Variants in EEPD1 observed in about 807,000 individuals in gnomAD.
EEPD1 encodes endonuclease/exonuclease/phosphatase family domain-containing protein 1.
EEPD1 carries 17 observed loss-of-function variants against 46.3 expected under a neutral mutation model. That is an observed-to-expected ratio of 0.37 (90% CI 0.25 to 0.55). The LOEUF (loss-of-function observed/expected upper bound fraction) is 0.55. Ranked by LOEUF, EEPD1 falls within the 20% of genes least tolerant of loss-of-function variation. The pLI is 0.83. For missense variants in EEPD1, 673 were observed against 745.6 expected (o/e 0.90, Z 1.13); for synonymous variants, 313 against 315.6 (o/e 0.99, Z 0.09).
At position 36,193,485 on chromosome 7, in the gene EEPD1, AAGGCAG is replaced by A. The variant is rs1785519702; in HGVS notation, c.878+38293_878+38298del. Reference sequence around the variant, plus strand: ...GTCCCCCGGGGAGTGCGGTCCCCTGAAGGCAGAGGCAGAGGGAGGCCATGGGAAGCA... The same window carrying A: ...GTCCCCCGGGGAGTGCGGTCCCCTGAAGGCAGAGGGAGGCCATGGGAAGCA... On this transcript the variant is annotated intron_variant, in intron 2 of 7. Coordinates refer to ENST00000242108, the MANE Select transcript of EEPD1 (RefSeq NM_030636.3). The surrounding 1 kb of genome is among the most constrained non-coding windows in gnomAD (Gnocchi z 4.9). Among the ~76,000 whole-genome samples, 1 of 152,074 alleles carries A rather than the reference AAGGCAG, an allele frequency of 6.6e-6. No homozygotes were observed. Among genetic ancestry groups the A allele is most frequent in the African/African-American group, 2.4e-5 (1 of 41,396 alleles).
intron 2 of EEPD1, among the ~76,000 whole-genome samples, chr7:36,183,797 G>T (rs140608699): frequency 1.3e-5 from 2 of 151,448 alleles, no homozygotes; most frequent in South Asian, 4.2e-4. Flanking sequence ...ACTGTGTCCC[G>T]CCAGACTCTG....
intron 2 of EEPD1, among the ~76,000 whole-genome samples, chr7:36,215,716 A>C (rs1786019721): frequency 6.6e-6 from 1 of 151,836 alleles, no homozygotes; most frequent in South Asian, 2.1e-4. Flanking sequence ...TTGGGGAGTA[A>C]GGGCTGGTCC....
rs758051652 is a variant in EEPD1 at position 36,273,142 on chromosome 7, A to ACACACACACACACACACT, written c.931-7956_931-7955insTCACACACACACACACAC. Reference sequence around the variant, plus strand: ...TTGGTGCATGCTTACACACACACACACACACACACACACACACACTCACGG... The same window carrying ACACACACACACACACACT: ...TTGGTGCATGCTTACACACACACACACACACACACACACACACTCACACACACACACACACACTCACGG... On this transcript the variant is annotated intron_variant, in intron 3 of 7. Transcript: ENST00000242108. 6.1e-3 allele frequency among the ~76,000 whole-genome samples: 925 copies of ACACACACACACACACACT among 151,670 alleles called. 13 individuals carry two copies. Among genetic ancestry groups the ACACACACACACACACACT allele is most frequent in the Non-Finnish European group, 6.6e-3 (450 of 67,960 alleles).
intron 2 of EEPD1, among the ~76,000 whole-genome samples, chr7:36,206,386 T>G (rs1166172467): frequency 6.6e-6 from 1 of 151,650 alleles, no homozygotes; most frequent in East Asian, 1.9e-4. Context: ...TTAACACTTA[T>G]GCACATAATC....
chr7:36,184,624 G>A (rs963027570), intron 2 of EEPD1, among the ~76,000 whole-genome samples: 4 of 152,118 alleles, frequency 2.6e-5, no homozygotes, highest in Non-Finnish European at 4.4e-5. Context: ...CAGTTCTTTC[G>A]TAACTAGGCA....
At chr7:36,212,764 T>C in intron 2 of EEPD1, among the ~76,000 whole-genome samples, 1 of 152,016 alleles carries the variant, frequency 6.6e-6, no homozygotes, top group Non-Finnish European at 1.5e-5. Flanking sequence ...TACCAGTATG[T>C]AAACAGTGGT....
At chr7:36,198,291 A>G (rs940332691) in intron 2 of EEPD1, among the ~76,000 whole-genome samples, 1 of 139,716 alleles carries the variant, frequency 7.2e-6, no homozygotes, top group African/African-American at 2.6e-5. Flanking sequence ...TGATCAGCCT[A>G]TTGTATTTCC....
chr7:36,237,883 G>T (rs1227105360), intron 2 of EEPD1, among the ~76,000 whole-genome samples: 1 of 152,218 alleles, frequency 6.6e-6, no homozygotes. Context: ...CTCGGGAGGT[G>T]AAGGTTGCAG....
chr7:36,298,856 A>G, intron 7 of EEPD1, 151 bp from the exon 8 acceptor site: 1 of 820,082 alleles, frequency 1.2e-6, no homozygotes, highest in South Asian at 1.7e-5. Context: ...TGCACAGGCA[A>G]ATGCACAGGC....
chr7:36,296,156 T>C (rs1009035649), intron 6 of EEPD1, among the ~76,000 whole-genome samples: 16 of 151,476 alleles, frequency 1.1e-4, no homozygotes, highest in African/African-American at 3.9e-4. Flanking sequence ...ATCAACATGA[T>C]GGATGGATGG....
intron 2 of EEPD1, among the ~76,000 whole-genome samples, chr7:36,216,303 T>C (rs546608586): frequency 4.6e-5 from 7 of 152,302 alleles, no homozygotes; most frequent in African/African-American, 1.7e-4. Flanking sequence ...CCTGGAACTG[T>C]TCCCCTCCTG....
At chr7:36,254,725 A>G (rs993108033) in intron 3 of EEPD1, among the ~76,000 whole-genome samples, 2 of 152,138 alleles carry the variant, frequency 1.3e-5, no homozygotes, top group African/African-American at 2.4e-5. Context: ...GTCTTCCACA[A>G]TGGTTTAACT....
intron 7 of EEPD1, among the ~76,000 whole-genome samples, chr7:36,298,658 GA>G (rs1404625453): frequency 6.6e-6 from 1 of 152,130 alleles, no homozygotes; most frequent in Non-Finnish European, 1.5e-5. Flanking sequence ...TTGGACTTGG[GA>G]TGTCTTTATG....
intron 2 of EEPD1, among the ~76,000 whole-genome samples, chr7:36,159,697 C>A (rs1784873395): frequency 6.6e-6 from 1 of 152,234 alleles, no homozygotes; most frequent in Admixed American, 6.5e-5. Context: ...AGGAGGGCTT[C>A]CCTACAACCC....
intron 3 of EEPD1, among the ~76,000 whole-genome samples, chr7:36,255,220 T>G (rs942050709): frequency 6.6e-6 from 1 of 152,252 alleles, no homozygotes; most frequent in African/African-American, 2.4e-5. Flanking sequence ...CCCATGCCTA[T>G]GTCCTGAATG....
At position 36,170,074 on chromosome 7, in the gene EEPD1, C is replaced by T. The variant is rs189984213; in HGVS notation, c.878+14872C>T. On this transcript the variant is annotated intron_variant, in intron 2 of 7. Transcript: ENST00000242108. ...AGGAACACCTTCCATAGATTGCTGC[C>T]GGCATCCACAAATGACATTTTCTAT... 4.9e-4 allele frequency among the ~76,000 whole-genome samples: 74 copies of T among 152,250 alleles called. 1 individual carries two copies. The East Asian group carries it at 0.01, about 21-fold the overall frequency.
intron 2 of EEPD1, among the ~76,000 whole-genome samples, chr7:36,200,103 T>G (rs1485490750): frequency 4.8e-5 from 1 of 20,892 alleles, no homozygotes; most frequent in South Asian, 2.1e-3. Context: ...CCCAATAGTT[T>G]TTTTTTTTTC....
chr7:36,269,987 G>A lies in EEPD1; in HGVS notation c.931-11128G>A, dbSNP rs375986107. On this transcript the variant is annotated intron_variant, in intron 3 of 7. Coordinates refer to ENST00000242108, the MANE Select transcript of EEPD1 (RefSeq NM_030636.3). Reference sequence around the variant, plus strand: ...AGTTCCTCCAGCCAATGAAAGCTTCGCCACCAAGGAGATGGCACACTGAAC... The same window carrying A: ...AGTTCCTCCAGCCAATGAAAGCTTCACCACCAAGGAGATGGCACACTGAAC... Among the ~76,000 whole-genome samples the A allele has an allele frequency of 3.9e-5, 6 of 152,290 alleles. 1 individual carries two copies. The highest frequency in any genetic ancestry group is 7.2e-5 in the African/African-American group (3 of 41,574).
intron 2 of EEPD1, among the ~76,000 whole-genome samples, chr7:36,221,386 CT>C (rs1458192680): frequency 6.6e-6 from 1 of 152,132 alleles, no homozygotes; most frequent in African/African-American, 2.4e-5. Context: ...GAGAGCAAAA[CT>C]GTTTTGTATA....
Sources: gnomAD v4.1 joint callset for allele counts (sites outside exome capture counted in the v4.1 genomes callset) on GRCh38, gnomAD v4.1.1 for gene constraint, Gnocchi (gnomAD v3.1) non-coding constraint, MANE v1.5 for transcripts, NCBI Gene and HGNC (gene_info 2026-07-23, HGNC 2026-07-21) for gene names.